SYN3: variants seen among roughly 807,000 people sequenced by gnomAD.
SYN3 encodes the protein synapsin-3.
Under a neutral mutation model 65.8 loss-of-function variants are expected in SYN3, and 35 were observed. The ratio of observed to expected loss-of-function variants is 0.53; its 90% CI spans 0.41 to 0.70. The LOEUF (loss-of-function observed/expected upper bound fraction) is 0.70, where lower values mean the gene tolerates loss of function less well. SYN3 is among the 30% of genes least tolerant of loss of function. The pLI is 0.00. For synonymous variants in SYN3, 270 were observed against 292.9 expected (o/e 0.92, Z 0.80); for missense variants, 680 against 749.0 (o/e 0.91, Z 1.08).
At chr22:32,797,409 G>C (rs191957165) in intron 6 of SYN3, among the ~76,000 whole-genome samples, 13 of 152,278 alleles carry the variant, frequency 8.5e-5, no homozygotes, top group Middle Eastern at 6.8e-3. Flanking sequence ...AGTTGATACA[G>C]GGTGTTGTGG....
At chr22:32,915,199 C>G (rs563841025) in intron 4 of SYN3, among the ~76,000 whole-genome samples, 4 of 152,226 alleles carry the variant, frequency 2.6e-5, no homozygotes, top group African/African-American at 9.6e-5. Context: ...TGCAGCAAAC[C>G]ACCATGGCAC....
intron 7 of SYN3, among the ~76,000 whole-genome samples, chr22:32,562,519 T>A (rs1431101635): frequency 2.0e-5 from 3 of 152,160 alleles, no homozygotes; most frequent in Non-Finnish European, 4.4e-5. Context: ...AGAGCTCCTC[T>A]CTCCCTGGTC....
intron 6 of SYN3, among the ~76,000 whole-genome samples, chr22:32,701,677 T>C (rs915815594): frequency 2.0e-5 from 3 of 152,184 alleles, no homozygotes; most frequent in African/African-American, 7.2e-5. Flanking sequence ...GCAAATTATA[T>C]ACTATAGAAG....
chr22:32,623,407 G>T (rs1358373846), intron 6 of SYN3, among the ~76,000 whole-genome samples: 1 of 152,046 alleles, frequency 6.6e-6, no homozygotes, highest in Non-Finnish European at 1.5e-5. Flanking sequence ...TGTTGCTCAG[G>T]CTGGCCTTGA....
chr22:32,592,481 T>A (rs957979431), intron 7 of SYN3, among the ~76,000 whole-genome samples: 6 of 152,190 alleles, frequency 3.9e-5, no homozygotes, highest in African/African-American at 1.4e-4. Context: ...ATGTCCACTA[T>A]TTTTTTGTTT....
At chr22:32,532,834 G>A (rs1186107112) in intron 10 of SYN3, among the ~76,000 whole-genome samples, 1 of 152,044 alleles carries the variant, frequency 6.6e-6, no homozygotes. Flanking sequence ...CACGTGTCCT[G>A]GCCTTGTGTC....
intron 12 of SYN3, among the ~76,000 whole-genome samples, chr22:32,526,036 G>T (rs922810972): frequency 1.3e-5 from 2 of 152,134 alleles, no homozygotes; most frequent in Admixed American, 6.5e-5. Flanking sequence ...CAGCAGAAAG[G>T]TTACTATTCA....
At chr22:32,690,738 G>A (rs2060651070) in intron 6 of SYN3, among the ~76,000 whole-genome samples, 1 of 152,198 alleles carries the variant, frequency 6.6e-6, no homozygotes, top group South Asian at 2.1e-4. Context: ...GTGCTCCCAG[G>A]AAGACAGGGA....
chr22:32,532,582 G>A (rs1340047898), intron 10 of SYN3, among the ~76,000 whole-genome samples: 2 of 21,304 alleles, frequency 9.4e-5, no homozygotes, highest in African/African-American at 9.3e-4. Context: ...CTGGGGAGGA[G>A]AGAGGGGCTG....
chr22:32,853,536 A>G (rs1307561909), intron 6 of SYN3, among the ~76,000 whole-genome samples: 2 of 152,234 alleles, frequency 1.3e-5, no homozygotes, highest in Non-Finnish European at 2.9e-5. Flanking sequence ...CCTTCACTCC[A>G]AGGGAAGCTA....
At chr22:32,533,926 G>A in intron 9 of SYN3, 31 bp from the exon 10 acceptor site, 10 of 1,538,842 alleles carry the variant, frequency 6.5e-6, no homozygotes, top group Non-Finnish European at 9.0e-6. Flanking sequence ...ACAGTGAAGT[G>A]GCCTGGGAAA....
At chr22:32,859,082 C>A in intron 6 of SYN3, 1 of 1,190,928 alleles carries the variant, frequency 8.4e-7, no homozygotes, top group Non-Finnish European at 1.3e-6. Context: ...CTAGGCTTCC[C>A]ATGCAGTGGC....
chr22:32,650,258 C>CCCCCCTCTCTCT (rs2060048142), intron 6 of SYN3, among the ~76,000 whole-genome samples: 1 of 86,272 alleles, frequency 1.2e-5, no homozygotes, highest in Non-Finnish European at 2.0e-5. Context: ...TCCCTCCCTC[C>CCCCCCTCTCTCT]CTCTCTCTCT....
chr22:32,725,412 G>A (rs1326283433), intron 6 of SYN3, among the ~76,000 whole-genome samples: 2 of 152,058 alleles, frequency 1.3e-5, no homozygotes, highest in Non-Finnish European at 1.5e-5. Flanking sequence ...ACAATTCCCC[G>A]TCCCTCCACT....
At chr22:32,927,177 T>C (rs1049640419) in intron 4 of SYN3, among the ~76,000 whole-genome samples, 4 of 152,186 alleles carry the variant, frequency 2.6e-5, no homozygotes, top group South Asian at 2.1e-4. Context: ...CCTGCTGTTA[T>C]ATTGGGTGTA....
chr22:32,648,576 A>G (rs1248680940), intron 6 of SYN3, among the ~76,000 whole-genome samples: 1 of 152,210 alleles, frequency 6.6e-6, no homozygotes, highest in Non-Finnish European at 1.5e-5. Context: ...AGAGCACAGC[A>G]TTGGTTAGAA....
chr22:32,601,490 A>G (rs567893180), intron 6 of SYN3, among the ~76,000 whole-genome samples: 27 of 152,216 alleles, frequency 1.8e-4, no homozygotes, highest in East Asian at 1.4e-3. Context: ...TGTTAGCCAG[A>G]ATGGTCTGGA....
chr22:32,542,231 C>G (rs1406911431), intron 7 of SYN3, among the ~76,000 whole-genome samples: 1 of 152,024 alleles, frequency 6.6e-6, no homozygotes, highest in East Asian at 1.9e-4. Context: ...ATCACTGAAG[C>G]AGCTGTGTAG....
At chr22:33,041,545 G>A (rs536676295) in intron 1 of SYN3, among the ~76,000 whole-genome samples, 4 of 152,062 alleles carry the variant, frequency 2.6e-5, no homozygotes, top group East Asian at 1.9e-4. Context: ...TGATCCGCCC[G>A]TCTCGGCCTC....
Sources: gnomAD v4.1 joint callset for allele counts (sites outside exome capture counted in the v4.1 genomes callset) on GRCh38, gnomAD v4.1.1 for gene constraint, MANE v1.5 for transcripts, NCBI Gene and HGNC (gene_info 2026-07-23, HGNC 2026-07-21) for gene names.